The following ADGRV1 variants were observed in gnomAD, a reference collection of about 807,000 sequenced individuals.
ADGRV1 encodes adhesion G protein-coupled receptor V1, also known as G-protein coupled receptor 98.
A neutral mutation model predicts 596.2 loss-of-function variants in ADGRV1; 359 were observed. That is an observed-to-expected ratio of 0.60 (90% CI 0.55 to 0.66). ADGRV1 has a LOEUF of 0.66. ADGRV1 is among the 30% of genes least tolerant of loss of function. ADGRV1 has a pLI of 0.00. For missense variants in ADGRV1, 7,274 were observed against 7,575.6 expected (o/e 0.96, Z 1.48); for synonymous variants, 2,681 against 2,679.2 (o/e 1.00, Z -0.02).
At chr5:91,081,668 C>A (rs1013140885) in intron 86 of ADGRV1, among the ~76,000 whole-genome samples, 5 of 152,080 alleles carry the variant, frequency 3.3e-5, no homozygotes, top group Non-Finnish European at 7.4e-5. Context: ...CGCCTGTAAT[C>A]CCAGCTACTT....
intron 1 of ADGRV1, among the ~76,000 whole-genome samples, chr5:90,575,709 G>A (rs1757114588): frequency 6.6e-6 from 1 of 152,114 alleles, no homozygotes; most frequent in Admixed American, 6.5e-5. Flanking sequence ...GACCATGAGA[G>A]GCAGACTCCC....
intron 50 of ADGRV1, 99 bp downstream of exon 50, chr5:90,729,863 A>G: frequency 2.4e-6 from 3 of 1,252,482 alleles, no homozygotes; most frequent in Non-Finnish European, 3.3e-6. Flanking sequence ...ATTGCCAGAC[A>G]CTGGGTATTT....
chr5:90,859,301 A>G (rs1262380097), intron 82 of ADGRV1, among the ~76,000 whole-genome samples: 1 of 152,144 alleles, frequency 6.6e-6, no homozygotes, highest in Non-Finnish European at 1.5e-5. Context: ...TTTAATAGAT[A>G]TTGGTTAAGT....
chr5:90,745,822 G>T (rs1485145125), intron 52 of ADGRV1, 27 bp downstream of exon 52: 3 of 1,247,422 alleles, frequency 2.4e-6, no homozygotes, highest in Non-Finnish European at 3.5e-6. Context: ...CCCCACACTT[G>T]CAATGCAAAA....
chr5:90,767,670 CTTACT>C (rs1757288219), intron 59 of ADGRV1, among the ~76,000 whole-genome samples: 1 of 144,942 alleles, frequency 6.9e-6, no homozygotes, highest in Admixed American at 6.7e-5. Context: ...TGGTCCATGT[CTTACT>C]TTTTTTTTTT....
chr5:90,855,553 T>C (rs922010529), intron 81 of ADGRV1, among the ~76,000 whole-genome samples, 188 bp from the exon 82 acceptor site: 1 of 152,188 alleles, frequency 6.6e-6, no homozygotes, highest in African/African-American at 2.4e-5. Context: ...TCTTAAGACA[T>C]CCTGTGGAAT....
At position 90,667,456 on chromosome 5, in the gene ADGRV1, CT is replaced by C. The variant is rs1381144690; in HGVS notation, c.4753-5089del. Among the ~76,000 whole-genome samples the C allele has an allele frequency of 6.1e-5, 9 of 147,728 alleles. No individual in the cohort carries two copies. In the Admixed American group the frequency reaches 6.2e-4, roughly 10 times the overall value. Reference sequence around the variant, plus strand: ...GTAGTTCTCGAGCCTTGGTTTTCAGCTCCATCAGCTCCTTTAAGCACTTCTC... The same window carrying C: ...GTAGTTCTCGAGCCTTGGTTTTCAGCCCATCAGCTCCTTTAAGCACTTCTC... On this transcript the variant is annotated intron_variant, in intron 21 of 89. Coordinates refer to ENST00000405460, the MANE Select transcript of ADGRV1 (RefSeq NM_032119.4).
chr5:90,880,870 T>C (rs1438269263), intron 83 of ADGRV1, among the ~76,000 whole-genome samples: 1 of 152,200 alleles, frequency 6.6e-6, no homozygotes, highest in Non-Finnish European at 1.5e-5. Context: ...TAAATAAGCT[T>C]ACAGTGAATA....
At chr5:91,044,625 A>G (rs114593977) in intron 85 of ADGRV1, among the ~76,000 whole-genome samples, 205 of 152,314 alleles carry the variant, frequency 1.3e-3, no homozygotes, top group African/African-American at 4.9e-3. Flanking sequence ...GTAAAATGGA[A>G]GACCTCCTAA....
In ADGRV1 at chr5:90,694,526, C is replaced by A; in HGVS notation, c.7770C>A (p.Ser2590=). The A allele has an allele frequency of 6.2e-7, 1 of 1,613,884 alleles. No individual in the cohort carries two copies. The highest frequency in any genetic ancestry group is 8.5e-7 in the Non-Finnish European group (1 of 1,179,814). The stretch of plus-strand genomic sequence containing the variant: ...TCTACAATATTAGTCCCAATACTTC[C>A]GAAGATGGCTTATTTGTTGAAGTTC... The part of the protein sequence containing the change: ...FVIYNISPNT[S]EDGLFVEVQE... The change falls in exon 33 of 90, where the codon TCC becomes TCA. Residue 2590 remains serine (S), a synonymous_variant. Transcript: ENST00000405460.
chr5:90,999,300 C>G (rs543819919), intron 85 of ADGRV1, among the ~76,000 whole-genome samples: 46 of 151,808 alleles, frequency 3.0e-4, no homozygotes, highest in African/African-American at 1.1e-3. Flanking sequence ...ATTTTGTGTG[C>G]TAATTCAATT....
chr5:90,966,048 A>T (rs1778426237), intron 84 of ADGRV1, among the ~76,000 whole-genome samples: 1 of 152,148 alleles, frequency 6.6e-6, no homozygotes, highest in Admixed American at 6.5e-5. Flanking sequence ...TTTAAGCTAG[A>T]ACTATAGGAT....
Position 90,718,440 on chromosome 5 carries a change from A to G in ADGRV1, c.9448-1608A>G, listed in dbSNP as rs183005592. 388 of 152,354 alleles carry G rather than the reference A, an allele frequency of 2.5e-3. 3 individuals are homozygous for G. The highest frequency in any genetic ancestry group is 9.0e-3 in the African/African-American group (375 of 41,598). 9.4% of individuals were successfully genotyped at this position (152,354 alleles called of 1,614,324 possible). A position where few individuals can be genotyped will look rare whatever the true frequency, so the allele number is the denominator to read the frequency against. ...AAGCTCCTATTATTGTGAAAATAAA[A>G]TAAAATAAAATAGCTGATTATGTTA... On this transcript the variant is annotated intron_variant, in intron 43 of 89. Coordinates refer to ENST00000405460, the MANE Select transcript of ADGRV1 (RefSeq NM_032119.4).
intron 86 of ADGRV1, among the ~76,000 whole-genome samples, chr5:91,089,349 C>T (rs1464490256): frequency 3.9e-5 from 6 of 151,908 alleles, no homozygotes; most frequent in Non-Finnish European, 7.4e-5. Context: ...AAAAGAGATG[C>T]AGTTAATCAC....
chr5:91,030,337 CAT>C (rs1425337000), intron 85 of ADGRV1, among the ~76,000 whole-genome samples: 5 of 152,044 alleles, frequency 3.3e-5, no homozygotes, highest in African/African-American at 1.2e-4. Flanking sequence ...GATTCTTTCT[CAT>C]ATGTTTTTGG....
At chr5:91,002,179 C>A (rs1247508715) in intron 85 of ADGRV1, among the ~76,000 whole-genome samples, 1 of 152,006 alleles carries the variant, frequency 6.6e-6, no homozygotes, top group Non-Finnish European at 1.5e-5. Flanking sequence ...CTTGGGTGGG[C>A]TCCTAAGTCC....
chr5:90,837,136 T>G (rs1434303112), intron 77 of ADGRV1, among the ~76,000 whole-genome samples: 2 of 152,248 alleles, frequency 1.3e-5, no homozygotes, highest in African/African-American at 4.8e-5. Flanking sequence ...TGATATAAAG[T>G]TAAGAAGGAA....
intron 83 of ADGRV1, among the ~76,000 whole-genome samples, chr5:90,911,758 C>A (rs1292396082): frequency 6.6e-6 from 1 of 152,090 alleles, no homozygotes; most frequent in Non-Finnish European, 1.5e-5. Flanking sequence ...TATCTTTCTG[C>A]ATCTTTAGAA....
chr5:90,602,127 G>A (rs1270024736), intron 1 of ADGRV1, among the ~76,000 whole-genome samples: 2 of 152,104 alleles, frequency 1.3e-5, no homozygotes, highest in African/African-American at 4.8e-5. Context: ...TTAGACTCCC[G>A]TATGTGTATC....
Sources: gnomAD v4.1 joint callset for allele counts (sites outside exome capture counted in the v4.1 genomes callset) on GRCh38, gnomAD v4.1.1 for gene constraint, MANE v1.5 for transcripts, NCBI Gene and HGNC (gene_info 2026-07-23, HGNC 2026-07-21) for gene names.